The following DACH1 variants were observed in gnomAD, a reference collection of about 807,000 sequenced individuals.
DACH1 encodes dachshund family transcription factor 1, also known as dachshund homolog 1.
In DACH1, 12 loss-of-function variants were observed where a neutral mutation model predicts 54.2. The ratio of observed to expected loss-of-function variants is 0.22; its 90% CI spans 0.14 to 0.36. The LOEUF (loss-of-function observed/expected upper bound fraction) is 0.36, where lower values mean the gene tolerates loss of function less well. DACH1 is among the 10% of genes least tolerant of loss of function. The pLI is 1.00. For missense variants in DACH1, 805 were observed against 929.8 expected (o/e 0.87, Z 1.75); for synonymous variants, 386 against 366.2 (o/e 1.05, Z -0.62).
Position 71,866,039 on chromosome 13 carries a change from T to C in DACH1, c.731A>G (p.Asn244Ser), listed in dbSNP as rs1381226036. Residue 244 changes from asparagine to serine, a missense_variant, in exon 1 of 11, where the codon AAT becomes AGT. Physicochemically the swap from Asn to Ser is conservative, Grantham distance 46. This residue lies in a region of DACH1 where 28 missense variants were observed against 75.7 expected (regional missense o/e 0.37). Coordinates refer to ENST00000613252, the MANE Select transcript of DACH1 (RefSeq NM_080759.6). Reference protein sequence around the residue: ...KRLEITPVVCNVEQVRILRGL... With the variant: ...KRLEITPVVCSVEQVRILRGL... ...CCTCAGGATGCGAACTTGTTCCACA[T>C]TGCACACCACCGGCGTGATCTCCAG... is the stretch of plus-strand genomic sequence containing the variant. 6.2e-7 allele frequency: 1 copy of C among 1,613,670 alleles called. No homozygotes were observed. The highest frequency in any genetic ancestry group is 8.5e-7 in the Non-Finnish European group (1 of 1,179,918).
chr13:71,545,258 C>T (rs1883387070), intron 6 of DACH1, among the ~76,000 whole-genome samples: 1 of 151,916 alleles, frequency 6.6e-6, no homozygotes, highest in African/African-American at 2.4e-5. Flanking sequence ...TACCCTCATG[C>T]TAGAGTGCTT....
intron 8 of DACH1, among the ~76,000 whole-genome samples, chr13:71,477,096 ATATATATATTTTTTTTTTT>A (rs1877603227): frequency 2.0e-5 from 1 of 50,896 alleles, no homozygotes; most frequent in African/African-American, 7.0e-5. Context: ...ATATATATAT[ATATATATATTTTTTTTTTT>A]TTTTTTTTTT....
chr13:71,748,876 T>TTTCTTTCTTTC, intron 1 of DACH1, among the ~76,000 whole-genome samples: 2 of 15,342 alleles, frequency 1.3e-4, no homozygotes, highest in Non-Finnish European at 4.6e-4. Context: ...CTTTCTTTCT[T>TTTCTTTCTTTC]TCTTTCTTTC....
At chr13:71,497,884 ACACACAC>A (rs1879573948) in intron 6 of DACH1, among the ~76,000 whole-genome samples, 1 of 151,384 alleles carries the variant, frequency 6.6e-6, no homozygotes, top group East Asian at 1.9e-4. Flanking sequence ...ACACACACAC[ACACACAC>A]ACACACACAC....
At chr13:71,854,957 G>T (rs1873905948) in intron 1 of DACH1, among the ~76,000 whole-genome samples, 1 of 151,954 alleles carries the variant, frequency 6.6e-6, no homozygotes, top group Non-Finnish European at 1.5e-5. Flanking sequence ...AAGTGTTTGT[G>T]GATTGTCACT....
At chr13:71,652,599 T>C (rs1381224395) in intron 2 of DACH1, among the ~76,000 whole-genome samples, 6 of 152,110 alleles carry the variant, frequency 3.9e-5, no homozygotes, top group African/African-American at 1.4e-4. Context: ...TTAAACACCA[T>C]CACAAATTAT....
chr13:71,552,842 TAGAGAGAG>T lies in DACH1; in HGVS notation c.1570+4174_1570+4181del, dbSNP rs1167871695. The stretch of plus-strand genomic sequence containing the variant: ...ATATATATATATATATATATATATA[TAGAGAGAG>T]AGAGAGAGAGAGAGAGAGAGAGAGA... On this transcript the variant is annotated intron_variant, in intron 6 of 10. Coordinates refer to ENST00000613252, the MANE Select transcript of DACH1 (RefSeq NM_080759.6). Among the ~76,000 whole-genome samples, 105 of 12,502 alleles carry T rather than the reference TAGAGAGAG, an allele frequency of 8.4e-3. 2 individuals are homozygous for T. The highest frequency in any genetic ancestry group is 0.011 in the Admixed American group (9 of 816). The allele number at this position is 12,502 out of a possible 152,430, so 8.2% of individuals were successfully genotyped here. A position where few individuals can be genotyped will look rare whatever the true frequency, so the allele number is the denominator to read the frequency against.
chr13:71,627,786 A>G (rs1876767527), intron 3 of DACH1, among the ~76,000 whole-genome samples: 1 of 152,016 alleles, frequency 6.6e-6, no homozygotes, highest in Admixed American at 6.6e-5. Context: ...CAAAATCTCT[A>G]AGATGCAACA....
intron 1 of DACH1, among the ~76,000 whole-genome samples, chr13:71,859,372 T>C (rs946819918): frequency 2.0e-5 from 3 of 151,844 alleles, no homozygotes; most frequent in African/African-American, 4.8e-5. Flanking sequence ...TTCAAGGTCC[T>C]TGACTTTGGA....
chr13:71,655,260 T>C (rs904972555), intron 2 of DACH1, among the ~76,000 whole-genome samples: 2 of 152,202 alleles, frequency 1.3e-5, no homozygotes, highest in African/African-American at 4.8e-5. Flanking sequence ...TTAATTACTC[T>C]GTGTGTAAGA....
intron 1 of DACH1, among the ~76,000 whole-genome samples, chr13:71,804,099 G>A (rs779158617): frequency 2.0e-5 from 3 of 152,094 alleles, no homozygotes; most frequent in Non-Finnish European, 2.9e-5. Flanking sequence ...TGGGAGAATT[G>A]CTTGAGCCCA....
intron 1 of DACH1, among the ~76,000 whole-genome samples, chr13:71,685,632 A>G (rs192030648): frequency 6.6e-6 from 1 of 152,178 alleles, no homozygotes; most frequent in African/African-American, 2.4e-5. Flanking sequence ...TTTTATCCTT[A>G]TGCAATCCTG....
rs1457922612 is a variant in DACH1 at position 71,866,550 on chromosome 13, C to T, written c.220G>A (p.Gly74Ser). 135 of 1,253,218 alleles carry T rather than the reference C, an allele frequency of 1.1e-4. No homozygotes were observed. The highest frequency in any genetic ancestry group is 1.3e-4 in the Non-Finnish European group (129 of 996,040). 77.6% of individuals were successfully genotyped at this position (1,253,218 alleles called of 1,614,324 possible). ...CTGCCGCCGCCGCCGCCGCCGCCGC[C>T]GGTAGAGGTGACTGTGGCCGCCGCC... ...AAAAATVTST[G>S]GGGGGGGSGG... Residue 74 changes from glycine (G) to serine (S), a missense_variant, in exon 1 of 11, where the codon GGC (glycine) becomes AGC (serine). By Grantham distance (56) the Gly-to-Ser change is moderately conservative (BLOSUM62 0). Around this residue, in one of 3 missense-constraint regions of DACH1, gnomAD observed 305 missense variants for 308.7 expected, o/e 0.99. Coordinates refer to ENST00000613252, the MANE Select transcript of DACH1 (RefSeq NM_080759.6).
At chr13:71,502,077 T>C (rs1421341006) in intron 6 of DACH1, among the ~76,000 whole-genome samples, 1 of 152,164 alleles carries the variant, frequency 6.6e-6, no homozygotes, top group Non-Finnish European at 1.5e-5. Flanking sequence ...CATTAATATG[T>C]GCATTCAAGT....
intron 1 of DACH1, among the ~76,000 whole-genome samples, chr13:71,799,613 AAAGAACAGTAGGT>A (rs2138119711): frequency 6.6e-6 from 1 of 152,212 alleles, no homozygotes; most frequent in African/African-American, 2.4e-5. Flanking sequence ...GTTGGCAAGA[AAAGAACAGTAGGT>A]TCATTCGGCA....
chr13:71,590,875 C>CTTTTTTTTTT (rs71123234), intron 3 of DACH1, among the ~76,000 whole-genome samples: 49 of 85,122 alleles, frequency 5.8e-4, no homozygotes, highest in African/African-American at 8.8e-4. Context: ...CTCTCTCTTT[C>CTTTTTTTTTT]TTTTTTTTTT....
intron 3 of DACH1, among the ~76,000 whole-genome samples, chr13:71,591,049 T>C (rs903238694): frequency 3.9e-5 from 6 of 151,916 alleles, no homozygotes; most frequent in African/African-American, 1.4e-4. Flanking sequence ...CAGCTAATTT[T>C]TGTATTTTTA....
At chr13:71,723,998 T>C (rs1196703120) in intron 1 of DACH1, among the ~76,000 whole-genome samples, 1 of 152,194 alleles carries the variant, frequency 6.6e-6, no homozygotes, top group Non-Finnish European at 1.5e-5. Flanking sequence ...GCCTGTTTTG[T>C]ATTTTTGTTT....
At position 71,866,355 on chromosome 13, in the gene DACH1, C is replaced by T. The variant is rs1183148510; in HGVS notation, c.415G>A (p.Gly139Ser). ...ASSTPINAST[G>S]SSSSSSSSSS... ...CTGCTACTGCTGCTGCTGCTGCTGC[C>T]GGTGCTGGCGTTGATGGGGGTGCTG... The change falls in exon 1 of 11, where the codon GGC becomes AGC. Residue 139 changes from glycine to serine, a missense_variant. This residue lies in a region of DACH1 where 305 missense variants were observed against 308.7 expected (regional missense o/e 0.99). Coordinates refer to ENST00000613252, the MANE Select transcript of DACH1 (RefSeq NM_080759.6). 2 of 1,520,512 alleles carry T rather than the reference C, an allele frequency of 1.3e-6. No individual in the cohort carries two copies. Among genetic ancestry groups the T allele is most frequent in the Non-Finnish European group, 1.8e-6 (2 of 1,131,594 alleles). The allele number at this position is 1,520,512 out of a possible 1,614,324, so 94.2% of individuals were successfully genotyped here. A position where few individuals can be genotyped will look rare whatever the true frequency, so the allele number is the denominator to read the frequency against.
Sources: allele counts gnomAD v4.1 joint callset (sites outside exome capture counted in the v4.1 genomes callset), GRCh38; gene constraint gnomAD v4.1.1; regional missense constraint gnomAD v4.1.1; transcripts MANE v1.5; gene names NCBI Gene and HGNC (gene_info 2026-07-23, HGNC 2026-07-21).